RTL4: variants seen among roughly 807,000 people sequenced by gnomAD.
RTL4 encodes retrotransposon Gag like 4, also known as retrotransposon Gag-like protein 4.
RTL4 carries 4 observed loss-of-function variants against 5.3 expected under a neutral mutation model. The ratio of observed to expected loss-of-function variants is 0.75; its 90% confidence interval spans 0.37 to 1.72. The LOEUF (loss-of-function observed/expected upper bound fraction) is 1.72, where lower values mean the gene tolerates loss of function less well. RTL4 is among the 40% of genes most tolerant of loss of function. RTL4 has a pLI of 0.04. For synonymous variants in RTL4, 98 were observed against 87.3 expected, an observed-to-expected ratio of 1.12 and a Z score of -0.68; for missense variants, 260 against 227.1, an observed-to-expected ratio of 1.14 and a Z score of -0.93.
At chrX:112,281,103 T>C in the RTL4 span, among the ~76,000 whole-genome samples, 1 of 111,675 alleles carries the variant, frequency 9.0e-6, no homozygotes, top group African/African-American at 3.3e-5. Flanking sequence ...AACTTATTTC[T>C]CCTATCTAAA....
At chrX:112,457,071 G>C (rs907032175) in exon 1 of RTL4, 15 of 123,297 alleles carry the variant, frequency 1.2e-4, no homozygotes, top group African/African-American at 4.9e-4. Context: ...ATATCCTGGA[G>C]AAATATCAGT....
the RTL4 span, among the ~76,000 whole-genome samples, chrX:112,250,091 A>T: frequency 2.7e-5 from 3 of 109,480 alleles, no homozygotes; most frequent in Non-Finnish European, 5.7e-5. Flanking sequence ...CCTGGCTAAC[A>T]CGGTGAAACC....
chrX:112,201,395 G>A, the RTL4 span, among the ~76,000 whole-genome samples: 7 of 111,343 alleles, frequency 6.3e-5, no homozygotes, highest in East Asian at 2.0e-3. Flanking sequence ...TGTGTATGTT[G>A]TATATTGTAA....
chrX:112,250,209 G>A, the RTL4 span, among the ~76,000 whole-genome samples: 1 of 109,682 alleles, frequency 9.1e-6, no homozygotes, highest in East Asian at 2.9e-4. Flanking sequence ...AACCCGGGAG[G>A]CGGAGCTTGC....
the RTL4 span, among the ~76,000 whole-genome samples, chrX:112,435,218 C>G: frequency 9.0e-6 from 1 of 111,379 alleles, no homozygotes; most frequent in Non-Finnish European, 1.9e-5. Flanking sequence ...TAAAGTCACA[C>G]TAATATTAGT....
chrX:112,388,463 T>C, the RTL4 span, among the ~76,000 whole-genome samples: 1 of 112,314 alleles, frequency 8.9e-6, no homozygotes, highest in South Asian at 3.7e-4. Context: ...ATTGGAGTGG[T>C]GATAGAGGGC....
the RTL4 span, among the ~76,000 whole-genome samples, chrX:112,333,538 G>T: frequency 3.6e-5 from 4 of 111,494 alleles, no homozygotes; most frequent in Non-Finnish European, 7.5e-5. Flanking sequence ...AAATGTTTCA[G>T]ATTTTGAATT....
chrX:112,456,410 T>C (rs1926845378), exon 1 of RTL4: 2 of 307,213 alleles, frequency 6.5e-6, no homozygotes, highest in Non-Finnish European at 1.2e-5. Flanking sequence ...CAGGCAGGTG[T>C]ATGCTTTTAG....
chrX:112,385,620 A>C, the RTL4 span, among the ~76,000 whole-genome samples: 1 of 111,860 alleles, frequency 8.9e-6, no homozygotes, highest in African/African-American at 3.2e-5. Context: ...TCTGGATAGA[A>C]AATCTTCAAA....
chrX:112,414,707 T>G, the RTL4 span, among the ~76,000 whole-genome samples: 12 of 111,724 alleles, frequency 1.1e-4, no homozygotes, highest in African/African-American at 2.9e-4. Flanking sequence ...GAAGAGAAGG[T>G]GACTTGAGCA....
At chrX:112,167,922 GA>G in the RTL4 span, among the ~76,000 whole-genome samples, 1 of 109,937 alleles carries the variant, frequency 9.1e-6, no homozygotes, top group Admixed American at 9.7e-5. Context: ...AGCCTTCCAA[GA>G]CAGTTTTTCT....
At chrX:112,096,456 G>A in the RTL4 span, among the ~76,000 whole-genome samples, 1 of 111,391 alleles carries the variant, frequency 9.0e-6, no homozygotes, top group East Asian at 2.8e-4. Flanking sequence ...TTCCAGTAAT[G>A]GGTCCTCAGA....
At chrX:112,176,083 T>C in the RTL4 span, among the ~76,000 whole-genome samples, 5 of 110,425 alleles carry the variant, frequency 4.5e-5, no homozygotes, top group African/African-American at 1.7e-4. Context: ...TATACACCAA[T>C]AACAGACAAA....
the RTL4 span, among the ~76,000 whole-genome samples, chrX:112,243,661 T>G: frequency 8.9e-6 from 1 of 111,839 alleles, no homozygotes; most frequent in Non-Finnish European, 1.9e-5. Flanking sequence ...CTGGATTCAT[T>G]GATTTTTTGA....
At chrX:112,234,020 G>T in the RTL4 span, among the ~76,000 whole-genome samples, 123 of 109,679 alleles carry the variant, frequency 1.1e-3, no homozygotes, top group African/African-American at 3.8e-3. Flanking sequence ...GTGAAACCCC[G>T]TCTCTACTGA....
chrX:112,187,442 C>T, the RTL4 span, among the ~76,000 whole-genome samples: 1 of 111,176 alleles, frequency 9.0e-6, no homozygotes, highest in African/African-American at 3.3e-5. Context: ...ATTAAGAACC[C>T]CAGGCATAGC....
the RTL4 span, among the ~76,000 whole-genome samples, chrX:112,438,606 C>T: frequency 8.9e-6 from 1 of 112,603 alleles, no homozygotes; most frequent in African/African-American, 3.2e-5. Flanking sequence ...GAATCACTTT[C>T]CCTTCTCCAG....
the RTL4 span, among the ~76,000 whole-genome samples, chrX:112,306,293 G>A: frequency 2.7e-5 from 3 of 111,071 alleles, no homozygotes; most frequent in Admixed American, 9.7e-5. Context: ...AGTAAGCTAC[G>A]GTGTGCAGTG....
At chrX:112,174,065 T>G in the RTL4 span, among the ~76,000 whole-genome samples, 102 of 108,847 alleles carry the variant, frequency 9.4e-4, no homozygotes, top group African/African-American at 3.3e-3. Context: ...TTTTTTTTTT[T>G]TTTGAGCTTC....
Sources: allele counts gnomAD v4.1 joint callset (sites outside exome capture counted in the v4.1 genomes callset), GRCh38; gene constraint gnomAD v4.1.1; transcripts MANE v1.5; gene names NCBI Gene and HGNC (gene_info 2026-07-23, HGNC 2026-07-21).